TMEM127: variants seen among roughly 807,000 people sequenced by gnomAD.
The protein encoded by TMEM127 is transmembrane protein 127.
A neutral mutation model predicts 20.1 loss-of-function variants in TMEM127; 21 were observed. The observed-to-expected ratio is 1.04, with a 90% CI of 0.74 to 1.50. TMEM127 has a LOEUF of 1.50. Ranked by LOEUF, TMEM127 falls within the 40% of genes most tolerant of loss-of-function variation. The probability of loss-of-function intolerance (pLI) is 0.00; values close to 1 mark genes in which losing one functional copy is unlikely to be tolerated. For synonymous variants in TMEM127, 150 were observed against 144.7 expected (o/e 1.04, Z -0.26); for missense variants, 303 against 317.4 (o/e 0.95, Z 0.34).
intron 2 of TMEM127, among the ~76,000 whole-genome samples, chr2:96,262,390 C>T (rs1573975652): frequency 6.6e-6 from 1 of 152,272 alleles, no homozygotes; most frequent in East Asian, 1.9e-4. Flanking sequence ...TCAGCACAGT[C>T]ACACAGGATA....
rs926978443 is a variant in TMEM127, at chr2:96,254,894, A to G, written c.348T>C (p.Phe116=). ...CSLSAFLLDV[F]GPKHPALKIT... ...TCTTCAGAGCAGGATGCTTCGGCCC[A>G]AAGACATCCAGAAGGAAAGCGGAGA... The change falls in exon 3 of 4, where the codon TTT becomes TTC. Residue 116 remains phenylalanine, a synonymous_variant. Coordinates refer to ENST00000258439, the MANE Select transcript of TMEM127 (RefSeq NM_017849.4). The G allele has an allele frequency of 5.6e-6, 9 of 1,613,998 alleles. No homozygotes were observed. The African/African-American group carries it at 9.3e-5, about 17-fold the overall frequency.
intron 2 of TMEM127, among the ~76,000 whole-genome samples, chr2:96,259,957 A>G (rs1369167750): frequency 6.6e-5 from 10 of 152,220 alleles, no homozygotes; most frequent in African/African-American, 2.4e-4. Context: ...CGTGTGGACC[A>G]AGGCCTACTA....
rs915390483 is a variant in TMEM127 at position 96,250,933 on chromosome 2, T to C, written c.*2875A>G. 3.5e-5 allele frequency: 8 copies of C among 228,136 alleles called. No individual in the cohort carries two copies. Among genetic ancestry groups the C allele is most frequent in the African/African-American group, 1.8e-4 (8 of 45,010 alleles). 14.1% of individuals were successfully genotyped at this position (228,136 alleles called of 1,614,324 possible). A position where few individuals can be genotyped will look rare whatever the true frequency, so the allele number is the denominator to read the frequency against. On this transcript the variant is annotated 3_prime_UTR_variant, in exon 4 of 4. Transcript: ENST00000258439. ...AAATTATTAAATAAAATTTAAACAATAGAGGGAAAAAAAGTGTAGTTTGTT... is the reference window on the plus strand; with the variant it reads ...AAATTATTAAATAAAATTTAAACAACAGAGGGAAAAAAAGTGTAGTTTGTT...
intron 2 of TMEM127, among the ~76,000 whole-genome samples, chr2:96,256,112 A>G (rs1376002439): frequency 6.6e-6 from 1 of 151,852 alleles, no homozygotes; most frequent in Non-Finnish European, 1.5e-5. Context: ...CTCTACCAAA[A>G]ATACAAAAAT....
At position 96,251,704 on chromosome 2, in the gene TMEM127, GAAA is replaced by G. The variant is rs3832113; in HGVS notation, c.*2101_*2103del. 2.1e-3 allele frequency: 478 copies of G among 225,804 alleles called. 10 individuals are homozygous for G. In the East Asian group the frequency reaches 0.027, roughly 13 times the overall value. 14.0% of individuals were successfully genotyped at this position (225,804 alleles called of 1,614,324 possible). On this transcript the variant is annotated 3_prime_UTR_variant, in exon 4 of 4. Transcript: ENST00000258439. Reference sequence around the variant, plus strand: ...TGTTTTCCCTTTTAATTTTTTTCTAGAAAAAAAAACACAACCCGGGGAATTTAT... The same window carrying G: ...TGTTTTCCCTTTTAATTTTTTTCTAGAAAAAACACAACCCGGGGAATTTAT...
At chr2:96,257,160 A>G (rs1228413730) in intron 2 of TMEM127, among the ~76,000 whole-genome samples, 1 of 152,250 alleles carries the variant, frequency 6.6e-6, no homozygotes, top group African/African-American at 2.4e-5. Flanking sequence ...CTTTAAAAAA[A>G]CATTTCAACT....
chr2:96,249,091 G>GGTGTGTGTGT lies in TMEM127; in HGVS notation c.*4707_*4716dup, dbSNP rs71301417. 1.8e-5 allele frequency: 4 copies of GGTGTGTGTGT among 220,132 alleles called. No homozygotes were observed. The highest frequency in any genetic ancestry group is 3.6e-5 in the Non-Finnish European group (4 of 111,288). The allele number at this position is 220,132 out of a possible 1,614,324, so 13.6% of individuals were successfully genotyped here. ...GTGAGGAACCTGTGTGTGTGTGTGTGGTGTGTGTGTGTGTGTGTGTGTGTG... is the reference window on the plus strand; with the variant it reads ...GTGAGGAACCTGTGTGTGTGTGTGTGGTGTGTGTGTGTGTGTGTGTGTGTGTGTGTGTGTG... On this transcript the variant is annotated 3_prime_UTR_variant, in exon 4 of 4. Coordinates refer to ENST00000258439, the MANE Select transcript of TMEM127 (RefSeq NM_017849.4).
At position 96,251,780 on chromosome 2, in the gene TMEM127, G is replaced by A; in HGVS notation, c.*2028C>T. ...ATGGCAGAGGGAAAGAGAAAGAAGA[G>A]GAAGGCCAAAGACATGGGGAGTGAA... is the stretch of plus-strand genomic sequence containing the variant. On this transcript the variant is annotated 3_prime_UTR_variant, in exon 4 of 4. Coordinates refer to ENST00000258439, the MANE Select transcript of TMEM127 (RefSeq NM_017849.4). 4.3e-6 allele frequency: 1 copy of A among 233,148 alleles called. No homozygotes were observed. 14.4% of individuals were successfully genotyped at this position (233,148 alleles called of 1,614,324 possible). A position where few individuals can be genotyped will look rare whatever the true frequency, so the allele number is the denominator to read the frequency against.
Position 96,265,234 on chromosome 2 carries a change from C to A in TMEM127, c.148G>T (p.Glu50Ter). The A allele has an allele frequency of 6.2e-7, 1 of 1,600,236 alleles. No homozygotes were observed. The highest frequency in any genetic ancestry group is 8.5e-7 in the Non-Finnish European group (1 of 1,176,392). The change falls in exon 2 of 4, where the codon GAG (glutamate) becomes TAG (stop). Residue 50 changes from glutamate (E) to a stop codon, truncating the protein, a stop_gained. Coordinates refer to ENST00000258439, the MANE Select transcript of TMEM127 (RefSeq NM_017849.4). LOFTEE classifies it high-confidence loss of function. Reference protein sequence around the residue: ...SITALCTALAEPAWLHIHGGT... With the variant: ...SITALCTALA ...CCGTGGATGTGCAACCAGGCGGGCT[C>A]GGCGAGGGCAGTGCACAGCGCCGTG...
At chr2:96,257,896 CAG>C (rs1573972599) in intron 2 of TMEM127, among the ~76,000 whole-genome samples, 3 of 150,564 alleles carry the variant, frequency 2.0e-5, no homozygotes, top group Non-Finnish European at 3.0e-5. Flanking sequence ...GCCTTGGTGA[CAG>C]AGTGACTCCG....
rs1451518038 is a variant in TMEM127, at chr2:96,253,054, T to C, written c.*754A>G. The C allele has an allele frequency of 1.7e-5, 4 of 233,132 alleles. No individual in the cohort carries two copies. Among genetic ancestry groups the C allele is most frequent in the Non-Finnish European group, 3.4e-5 (4 of 117,982 alleles). The allele number at this position is 233,132 out of a possible 1,614,324, so 14.4% of individuals were successfully genotyped here. A position where few individuals can be genotyped will look rare whatever the true frequency, so the allele number is the denominator to read the frequency against. On this transcript the variant is annotated 3_prime_UTR_variant, in exon 4 of 4. Coordinates refer to ENST00000258439, the MANE Select transcript of TMEM127 (RefSeq NM_017849.4). This position sits in a 1 kb window ranked among gnomAD's most constrained non-coding sequence, Gnocchi z 4.3. ...TTGCTGTTGCCTGGTTTCATTTTTT[T>C]CCTTTTAAAACCACTCATATTTAAA...
intron 2 of TMEM127, among the ~76,000 whole-genome samples, chr2:96,264,033 G>GT (rs1288557411): frequency 1.3e-5 from 2 of 152,192 alleles, no homozygotes; most frequent in African/African-American, 4.8e-5. Context: ...ACAACCAGTT[G>GT]TCCCCAACCT....
At chr2:96,264,513 T>G (rs1684373026) in intron 2 of TMEM127, among the ~76,000 whole-genome samples, 1 of 152,192 alleles carries the variant, frequency 6.6e-6, no homozygotes, top group Non-Finnish European at 1.5e-5. Flanking sequence ...CAGGATAAAC[T>G]ATGGGGCCCA....
In TMEM127 at chr2:96,253,498, G is replaced by T; in HGVS notation, c.*310C>A. 2.4e-6 allele frequency: 1 copy of T among 410,574 alleles called. No individual in the cohort carries two copies. Among genetic ancestry groups the T allele is most frequent in the South Asian group, 4.0e-5 (1 of 25,312 alleles). 25.4% of individuals were successfully genotyped at this position (410,574 alleles called of 1,614,324 possible). ...TCAGCAGCTCTCCAAGGAAAGTCTC[G>T]GTCCCAAAGATATCGCCCATGCTGG... On this transcript the variant is annotated 3_prime_UTR_variant, in exon 4 of 4. Transcript: ENST00000258439. The surrounding 1 kb of genome is among the most constrained non-coding windows in gnomAD (Gnocchi z 4.3).
chr2:96,265,725 A>C (rs186984984), intron 1 of TMEM127, 144 bp downstream of exon 1: 135 of 250,936 alleles, frequency 5.4e-4, no homozygotes, highest in African/African-American at 2.9e-3. Flanking sequence ...AAAGACCCGG[A>C]GTCAGGGTCT....
rs1286669081 is a variant in TMEM127 at position 96,260,039 on chromosome 2, CA to C, written c.245-5043del. 2.0e-5 allele frequency among the ~76,000 whole-genome samples: 3 copies of C among 152,312 alleles called. No individual in the cohort carries two copies. In the South Asian group the frequency reaches 6.2e-4, roughly 32 times the overall value. On this transcript the variant is annotated intron_variant, in intron 2 of 3. Coordinates refer to ENST00000258439, the MANE Select transcript of TMEM127 (RefSeq NM_017849.4). The stretch of plus-strand genomic sequence containing the variant: ...AGAAGAGACTTTTGACCTAAAACTC[CA>C]ATAGGTTTTGTTTCAATATAACTGC...
In TMEM127 at chr2:96,250,222, C is replaced by T. The variant is rs1035895108; in HGVS notation, c.*3586G>A. 8.6e-6 allele frequency: 2 copies of T among 233,240 alleles called. No individual in the cohort carries two copies. Among genetic ancestry groups the T allele is most frequent in the Non-Finnish European group, 1.7e-5 (2 of 118,106 alleles). The allele number at this position is 233,240 out of a possible 1,614,324, so 14.4% of individuals were successfully genotyped here. A position where few individuals can be genotyped will look rare whatever the true frequency, so the allele number is the denominator to read the frequency against. On this transcript the variant is annotated 3_prime_UTR_variant, in exon 4 of 4. Coordinates refer to ENST00000258439, the MANE Select transcript of TMEM127 (RefSeq NM_017849.4). Reference sequence around the variant, plus strand: ...CTGTTAGTGCCTTAAATGAGCACCCCTCACCTTTCTAACCTCGGCTCTTAC... The same window carrying T: ...CTGTTAGTGCCTTAAATGAGCACCCTTCACCTTTCTAACCTCGGCTCTTAC...
In TMEM127 at chr2:96,265,244, A is replaced by G; in HGVS notation, c.138T>C (p.Thr46=). Residue 46 remains threonine, a synonymous_variant, in exon 2 of 4, where the codon ACT becomes ACC. Transcript: ENST00000258439. Reference sequence around the variant, plus strand: ...GCAACCAGGCGGGCTCGGCGAGGGCAGTGCACAGCGCCGTGATAGACAGGG... The same window carrying G: ...GCAACCAGGCGGGCTCGGCGAGGGCGGTGCACAGCGCCGTGATAGACAGGG... ...PGALSITALC[T]ALAEPAWLHI... is the part of the protein sequence containing the mutation. 6.3e-7 allele frequency: 1 copy of G among 1,596,244 alleles called. No homozygotes were observed. Among genetic ancestry groups the G allele is most frequent in the Non-Finnish European group, 8.5e-7 (1 of 1,175,166 alleles).
intron 2 of TMEM127, among the ~76,000 whole-genome samples, chr2:96,257,932 G>A (rs1407042299): frequency 1.3e-5 from 2 of 151,978 alleles, no homozygotes; most frequent in Non-Finnish European, 2.9e-5. Context: ...AGTAGGAAAT[G>A]GGCCTTAACT....
Sources: gnomAD v4.1 joint callset for allele counts (sites outside exome capture counted in the v4.1 genomes callset) on GRCh38, gnomAD v4.1.1 for gene constraint, Gnocchi (gnomAD v3.1) non-coding constraint, MANE v1.5 for transcripts, NCBI Gene and HGNC (gene_info 2026-07-23, HGNC 2026-07-21) for gene names.